Variants in SLC26A7 observed in about 807,000 individuals in gnomAD.
The protein encoded by SLC26A7 is anion exchange transporter.
In SLC26A7, 59 loss-of-function variants were observed where a neutral mutation model predicts 82.5. The ratio of observed to expected loss-of-function variants is 0.72; its 90% confidence interval spans 0.58 to 0.89. The LOEUF (loss-of-function observed/expected upper bound fraction) is 0.89, where lower values mean the gene tolerates loss of function less well. SLC26A7 is among the 40% of genes least tolerant of loss of function. The pLI is 0.00. For missense variants in SLC26A7, 820 were observed against 793.0 expected (o/e 1.03, Z -0.41); for synonymous variants, 271 against 274.3 (o/e 0.99, Z 0.12).
intron 11 of SLC26A7, among the ~76,000 whole-genome samples, chr8:91,359,597 T>A (rs1162153848): frequency 6.6e-6 from 1 of 152,134 alleles, no homozygotes; most frequent in African/African-American, 2.4e-5. Flanking sequence ...CGCATGATGA[T>A]TCAGTGGGAC....
intron 13 of SLC26A7, among the ~76,000 whole-genome samples, chr8:91,364,698 A>G (rs1255852981): frequency 2.0e-5 from 3 of 152,178 alleles, no homozygotes; most frequent in African/African-American, 7.2e-5. Flanking sequence ...TTTTCAGCTT[A>G]AAAATCACTG....
intron 2 of SLC26A7, among the ~76,000 whole-genome samples, chr8:91,281,141 C>T (rs1237405664): frequency 6.6e-6 from 1 of 152,102 alleles, no homozygotes; most frequent in East Asian, 1.9e-4. Flanking sequence ...GTTTAAATTG[C>T]ATAGGTTTTA....
At chr8:91,351,973 T>G in intron 10 of SLC26A7, 86 bp downstream of exon 10, 1 of 1,009,116 alleles carries the variant, frequency 9.9e-7, no homozygotes, top group South Asian at 1.3e-5. Flanking sequence ...AAGTATAACC[T>G]CAACAATCCT....
intron 2 of SLC26A7, among the ~76,000 whole-genome samples, chr8:91,264,069 C>T (rs1477377057): frequency 2.0e-5 from 3 of 151,874 alleles, no homozygotes; most frequent in Non-Finnish European, 2.9e-5. Context: ...CATGTTGCTC[C>T]GCTTTCCTAA....
intron 2 of SLC26A7, among the ~76,000 whole-genome samples, chr8:91,282,684 C>G (rs1163108329): frequency 6.6e-6 from 1 of 152,150 alleles, no homozygotes; most frequent in East Asian, 1.9e-4. Context: ...CTCGTAGGTT[C>G]CAGGTCCTAT....
upstream of SLC26A7, among the ~76,000 whole-genome samples, chr8:91,244,406 T>C (rs1586316301): frequency 6.6e-6 from 1 of 151,886 alleles, no homozygotes; most frequent in African/African-American, 2.4e-5. Flanking sequence ...CTTTTCATTC[T>C]TTTTTTATGA....
chr8:91,317,169 A>G (rs1812659939), intron 4 of SLC26A7, among the ~76,000 whole-genome samples: 1 of 151,820 alleles, frequency 6.6e-6, no homozygotes, highest in Admixed American at 6.6e-5. Context: ...AAAAAAAAAG[A>G]AAAAGGAAAA....
At chr8:91,228,714 T>A (rs902516760) in intron 2 of SLC26A7, among the ~76,000 whole-genome samples, 15 of 152,198 alleles carry the variant, frequency 9.9e-5, no homozygotes, top group Admixed American at 7.2e-4. Context: ...AAGCCTCCAG[T>A]CACTTTAATT....
intron 15 of SLC26A7, among the ~76,000 whole-genome samples, chr8:91,388,272 A>G (rs1814854211): frequency 7.6e-6 from 1 of 132,006 alleles, no homozygotes; most frequent in South Asian, 2.4e-4. Flanking sequence ...GATTTTTTTT[A>G]GTCTCGCTCT....
intron 16 of SLC26A7, 96 bp from the exon 17 acceptor site, chr8:91,393,701 G>C: frequency 7.5e-7 from 1 of 1,339,442 alleles, no homozygotes; most frequent in Non-Finnish European, 1.1e-6. Flanking sequence ...GTAAACATCG[G>C]CTTTAAAGAA....
At chr8:91,297,630 C>A (rs550463798) in intron 4 of SLC26A7, among the ~76,000 whole-genome samples, 1 of 152,156 alleles carries the variant, frequency 6.6e-6, no homozygotes, top group East Asian at 1.9e-4. Flanking sequence ...ACGTTTTAGC[C>A]AATTTTTAAG....
chr8:91,326,085 T>G (rs1812924231), intron 5 of SLC26A7, among the ~76,000 whole-genome samples: 2 of 152,190 alleles, frequency 1.3e-5, no homozygotes, highest in Non-Finnish European at 2.9e-5. Flanking sequence ...CAGTTGGCCA[T>G]CTCTCTTAAT....
At chr8:91,326,236 A>G (rs769603873) in intron 5 of SLC26A7, among the ~76,000 whole-genome samples, 25 of 152,170 alleles carry the variant, frequency 1.6e-4, no homozygotes, top group Non-Finnish European at 3.1e-4. Context: ...AAAGCTTGGA[A>G]TCCCCTCTGC....
chr8:91,240,308 A>G (rs1810456706), intron 2 of SLC26A7, among the ~76,000 whole-genome samples: 1 of 152,224 alleles, frequency 6.6e-6, no homozygotes, highest in Non-Finnish European at 1.5e-5. Flanking sequence ...ATGGTACACA[A>G]TATCATCCCA....
chr8:91,394,310 A>G (rs781438947), intron 18 of SLC26A7: 16 of 1,611,440 alleles, frequency 9.9e-6, no homozygotes, highest in Non-Finnish European at 1.3e-5. Context: ...CAAACTGCTT[A>G]CTTGTACAAC....
At chr8:91,302,051 G>A in intron 4 of SLC26A7, among the ~76,000 whole-genome samples, 1 of 151,906 alleles carries the variant, frequency 6.6e-6, no homozygotes, top group East Asian at 1.9e-4. Flanking sequence ...TTATTTCATT[G>A]CAGTCAGGGA....
Position 91,396,801 on chromosome 8 carries a change from A to T in SLC26A7, c.*1704A>T, listed in dbSNP as rs971844931. On this transcript the variant is annotated 3_prime_UTR_variant, in exon 19 of 19. Coordinates refer to ENST00000276609, the MANE Select transcript of SLC26A7 (RefSeq NM_052832.4). ...AAATAATTTTATTCTGCTTTGTCCAATTAAATTATTCCAATGGCGGATGGT... is the reference window on the plus strand; with the variant it reads ...AAATAATTTTATTCTGCTTTGTCCATTTAAATTATTCCAATGGCGGATGGT... 2.0e-5 allele frequency: 3 copies of T among 152,092 alleles called. No homozygotes were observed. The East Asian group carries it at 5.8e-4, about 29-fold the overall frequency. The allele number at this position is 152,092 out of a possible 1,614,324, so 9.4% of individuals were successfully genotyped here. A position where few individuals can be genotyped will look rare whatever the true frequency, so the allele number is the denominator to read the frequency against.
intron 6 of SLC26A7, among the ~76,000 whole-genome samples, chr8:91,335,177 A>C (rs985719729): frequency 3.3e-5 from 5 of 152,158 alleles, no homozygotes; most frequent in Non-Finnish European, 7.4e-5. Context: ...CATGTATATG[A>C]TAAATGTTGT....
At chr8:91,319,239 A>G (rs1479114764) in intron 5 of SLC26A7, among the ~76,000 whole-genome samples, 1 of 152,172 alleles carries the variant, frequency 6.6e-6, no homozygotes, top group Non-Finnish European at 1.5e-5. Flanking sequence ...TCTGCACCAA[A>G]CAAACATTGA....
Sources: gnomAD v4.1 joint callset for allele counts (sites outside exome capture counted in the v4.1 genomes callset) on GRCh38, gnomAD v4.1.1 for gene constraint, MANE v1.5 for transcripts, NCBI Gene and HGNC (gene_info 2026-07-23, HGNC 2026-07-21) for gene names.